RPS6KC1: variants seen among roughly 807,000 people sequenced by gnomAD.
RPS6KC1 encodes inactive ribosomal protein S6 kinase delta-1.
RPS6KC1 carries 54 observed loss-of-function variants against 103.8 expected under a neutral mutation model. That is an observed-to-expected ratio of 0.52 (90% CI 0.42 to 0.65). RPS6KC1 has a LOEUF of 0.65. Ranked by LOEUF, RPS6KC1 falls within the 30% of genes least tolerant of loss-of-function variation. The pLI, the probability that RPS6KC1 is intolerant of heterozygous loss-of-function variation, is 0.00. For missense variants in RPS6KC1, 1,151 were observed against 1,253.8 expected (o/e 0.92, Z 1.24); for synonymous variants, 439 against 438.7 (o/e 1.00, Z -0.01).
the RPS6KC1 span, among the ~76,000 whole-genome samples, chr1:213,334,763 A>ATC: frequency 2.0e-5 from 3 of 152,094 alleles, no homozygotes; most frequent in Admixed American, 6.6e-5. Flanking sequence ...GGAGATGTAT[A>ATC]TCTCTCTCTC....
At chr1:213,246,816 C>T (rs1242194346) in intron 12 of RPS6KC1, among the ~76,000 whole-genome samples, 2 of 151,752 alleles carry the variant, frequency 1.3e-5, no homozygotes, top group Non-Finnish European at 2.9e-5. Flanking sequence ...GAGTATGAGA[C>T]TGCAGTGTGC....
chr1:213,328,793 A>G, the RPS6KC1 span, among the ~76,000 whole-genome samples: 1 of 151,988 alleles, frequency 6.6e-6, no homozygotes, highest in Non-Finnish European at 1.5e-5. Flanking sequence ...TGGACCCTAC[A>G]ATGGCTGGAA....
the RPS6KC1 span, among the ~76,000 whole-genome samples, chr1:213,513,683 T>A: frequency 6.6e-6 from 1 of 152,242 alleles, no homozygotes; most frequent in Non-Finnish European, 1.5e-5. Flanking sequence ...ATGCCTGCCA[T>A]GCACAGCATT....
the RPS6KC1 span, among the ~76,000 whole-genome samples, chr1:213,728,273 A>G: frequency 6.6e-6 from 1 of 152,296 alleles, no homozygotes; most frequent in East Asian, 1.9e-4. Flanking sequence ...GCGTCTTGGA[A>G]CTTCACATTT....
At chr1:213,648,641 C>A in the RPS6KC1 span, among the ~76,000 whole-genome samples, 1 of 152,120 alleles carries the variant, frequency 6.6e-6, no homozygotes, top group Non-Finnish European at 1.5e-5. Context: ...TACCTACCAG[C>A]AGGCCAGTCC....
chr1:213,661,292 G>A, the RPS6KC1 span, among the ~76,000 whole-genome samples: 3 of 152,216 alleles, frequency 2.0e-5, no homozygotes, highest in Admixed American at 2.0e-4. Flanking sequence ...CCAGGGGCTG[G>A]TGTCAGGATC....
chr1:213,462,575 T>TA, the RPS6KC1 span, among the ~76,000 whole-genome samples: 1 of 152,080 alleles, frequency 6.6e-6, no homozygotes, highest in African/African-American at 2.4e-5. Flanking sequence ...TATGCAGCCA[T>TA]AAAAAAGGAT....
At chr1:213,504,189 G>A in the RPS6KC1 span, among the ~76,000 whole-genome samples, 1 of 151,964 alleles carries the variant, frequency 6.6e-6, no homozygotes, top group African/African-American at 2.4e-5. Context: ...AAGGGAGGTG[G>A]GTCCAAGATT....
At chr1:213,207,374 A>C (rs2093379135) in intron 8 of RPS6KC1, among the ~76,000 whole-genome samples, 1 of 152,214 alleles carries the variant, frequency 6.6e-6, no homozygotes, top group Admixed American at 6.5e-5. Context: ...TGAAGGTCTG[A>C]CACTGTTAAA....
chr1:213,176,075 T>A (rs936834872), intron 7 of RPS6KC1, among the ~76,000 whole-genome samples: 1 of 152,218 alleles, frequency 6.6e-6, no homozygotes, highest in African/African-American at 2.4e-5. Context: ...GTTATCCATT[T>A]GTTACAAAGT....
chr1:213,616,478 C>T, the RPS6KC1 span, among the ~76,000 whole-genome samples: 2 of 152,126 alleles, frequency 1.3e-5, no homozygotes, highest in African/African-American at 4.8e-5. Flanking sequence ...TTGCTGGAGA[C>T]CCTTGATGCC....
the RPS6KC1 span, among the ~76,000 whole-genome samples, chr1:213,789,479 G>A: frequency 6.6e-6 from 1 of 152,134 alleles, no homozygotes; most frequent in African/African-American, 2.4e-5. Context: ...CCTATGCCTG[G>A]GTTTAACAGC....
the RPS6KC1 span, among the ~76,000 whole-genome samples, chr1:213,382,109 A>G: frequency 6.6e-6 from 1 of 152,142 alleles, no homozygotes; most frequent in Non-Finnish European, 1.5e-5. Context: ...TTGAGCTAGA[A>G]CAATATCGCC....
At chr1:213,425,140 T>TA in the RPS6KC1 span, among the ~76,000 whole-genome samples, 17 of 151,420 alleles carry the variant, frequency 1.1e-4, no homozygotes, top group East Asian at 1.2e-3. Context: ...TCAGTTACAT[T>TA]AAAAAAAAAT....
chr1:213,264,375 A>G (rs1316443951), intron 14 of RPS6KC1, among the ~76,000 whole-genome samples: 2 of 152,164 alleles, frequency 1.3e-5, no homozygotes, highest in Non-Finnish European at 2.9e-5. Context: ...ATTTCATCTT[A>G]TTCGTTGTGG....
chr1:213,783,964 CT>C, the RPS6KC1 span, among the ~76,000 whole-genome samples: 5 of 151,866 alleles, frequency 3.3e-5, no homozygotes, highest in African/African-American at 4.8e-5. Flanking sequence ...TGAGAAGTTC[CT>C]TTTTGTTGTT....
At chr1:213,329,987 C>T in the RPS6KC1 span, among the ~76,000 whole-genome samples, 6 of 152,182 alleles carry the variant, frequency 3.9e-5, no homozygotes, top group East Asian at 1.9e-4. Context: ...TCGCTTTGTG[C>T]GGAAAAGCTC....
the RPS6KC1 span, among the ~76,000 whole-genome samples, chr1:213,673,909 G>A: frequency 2.2e-4 from 33 of 152,270 alleles, no homozygotes; most frequent in African/African-American, 7.7e-4. Context: ...ATGATGCTGA[G>A]GTTTGAGATA....
chr1:213,306,086 G>A, the RPS6KC1 span, among the ~76,000 whole-genome samples: 3 of 152,194 alleles, frequency 2.0e-5, no homozygotes, highest in South Asian at 2.1e-4. Flanking sequence ...AGTGTGGCTT[G>A]AAGATCCAGT....
Sources: gnomAD v4.1 joint callset for allele counts (sites outside exome capture counted in the v4.1 genomes callset) on GRCh38, gnomAD v4.1.1 for gene constraint, MANE v1.5 for transcripts, NCBI Gene and HGNC (gene_info 2026-07-23, HGNC 2026-07-21) for gene names.